SLIT3: variants seen among roughly 807,000 people sequenced by gnomAD.
The protein encoded by SLIT3 is slit guidance ligand 3.
A neutral mutation model predicts 184.0 loss-of-function variants in SLIT3; 68 were observed. The ratio of observed to expected loss-of-function variants is 0.37; its 90% CI spans 0.30 to 0.45. The LOEUF is 0.45. SLIT3 is among the 20% of genes least tolerant of loss of function. The probability of loss-of-function intolerance (pLI) is 1.00; values close to 1 mark genes in which losing one functional copy is unlikely to be tolerated. For missense variants in SLIT3, 1,707 were observed against 2,026.0 expected (o/e 0.84, Z 3.02); for synonymous variants, 831 against 828.6 (o/e 1.00, Z -0.05).
intron 4 of SLIT3, among the ~76,000 whole-genome samples, chr5:169,092,185 T>A (rs933226262): frequency 8.5e-5 from 13 of 152,224 alleles, no homozygotes; most frequent in African/African-American, 2.4e-4. Flanking sequence ...ATCGTGCCAT[T>A]GCACTCCAGT....
intron 4 of SLIT3, among the ~76,000 whole-genome samples, chr5:169,001,506 A>G (rs1451709512): frequency 6.6e-6 from 1 of 152,206 alleles, no homozygotes; most frequent in Non-Finnish European, 1.5e-5. Flanking sequence ...AAGTGTTACA[A>G]TGGAACATTT....
At chr5:169,043,855 G>A (rs749188135) in intron 4 of SLIT3, among the ~76,000 whole-genome samples, 20 of 152,216 alleles carry the variant, frequency 1.3e-4, no homozygotes, top group Admixed American at 5.9e-4. Context: ...AGCAGTGAGA[G>A]TCATCCGAAC....
intron 12 of SLIT3, among the ~76,000 whole-genome samples, chr5:168,782,329 T>C (rs1325259965): frequency 1.3e-5 from 2 of 152,240 alleles, no homozygotes; most frequent in Non-Finnish European, 2.9e-5. Context: ...ATGCATGTCA[T>C]GTGATCGATG....
intron 4 of SLIT3, among the ~76,000 whole-genome samples, chr5:168,907,973 T>TAGAGAGAG (rs1360826933): frequency 1.0e-3 from 69 of 66,782 alleles, no homozygotes; most frequent in South Asian, 2.5e-3. Context: ...TATATATATA[T>TAGAGAGAG]ATATATAGAG....
chr5:169,001,563 C>G (rs1755704146), intron 4 of SLIT3, among the ~76,000 whole-genome samples: 1 of 151,860 alleles, frequency 6.6e-6, no homozygotes, highest in South Asian at 2.1e-4. Flanking sequence ...AGACTAGAAA[C>G]AGACCAATTT....
chr5:168,686,040 A>C, intron 30 of SLIT3, 113 bp from the exon 31 acceptor site: 5 of 1,239,238 alleles, frequency 4.0e-6, no homozygotes, highest in Non-Finnish European at 5.4e-6. Flanking sequence ...ATGGGAAATG[A>C]CACTAGTTCT....
chr5:168,912,387 T>G (rs978956504), intron 4 of SLIT3, among the ~76,000 whole-genome samples: 7 of 152,192 alleles, frequency 4.6e-5, no homozygotes, highest in Admixed American at 3.9e-4. Flanking sequence ...GGGAGGTTGG[T>G]GTCCCTAACC....
intron 4 of SLIT3, among the ~76,000 whole-genome samples, chr5:168,967,676 G>A (rs1763258676): frequency 7.2e-6 from 1 of 139,594 alleles, no homozygotes; most frequent in Non-Finnish European, 1.7e-5. Context: ...TCCTGACCTC[G>A]TGATCCGCCC....
At chr5:168,954,088 T>A (rs968060529) in intron 4 of SLIT3, among the ~76,000 whole-genome samples, 4 of 152,034 alleles carry the variant, frequency 2.6e-5, no homozygotes, top group African/African-American at 9.7e-5. Flanking sequence ...TGGAAAATGG[T>A]CTTATTCTAG....
chr5:169,300,890 G>GGCGGCGGCA lies in SLIT3; in HGVS notation c.-190_-182dup, dbSNP rs901343727. 12 of 367,620 alleles carry GGCGGCGGCA rather than the reference G, an allele frequency of 3.3e-5. No individual in the cohort carries two copies. The highest frequency in any genetic ancestry group is 4.8e-5 in the Non-Finnish European group (11 of 229,592). 22.8% of individuals were successfully genotyped at this position (367,620 alleles called of 1,614,324 possible). A position where few individuals can be genotyped will look rare whatever the true frequency, so the allele number is the denominator to read the frequency against. On this transcript the variant is annotated 5_prime_UTR_variant, in exon 1 of 36. Transcript: ENST00000519560. This position sits in a 1 kb window ranked among gnomAD's most constrained non-coding sequence, Gnocchi z 4.1. ...GGCGGAGCGGGGCGCTCCGGGCGGC[G>GGCGGCGGCA]GCGGCGGCAGCAACAGCAGCTCCAT...
At chr5:169,281,767 G>C (rs952229534) in intron 1 of SLIT3, among the ~76,000 whole-genome samples, 2 of 151,966 alleles carry the variant, frequency 1.3e-5, no homozygotes, top group Non-Finnish European at 2.9e-5. Flanking sequence ...AATTTCTGAG[G>C]GCACTACAGA....
At chr5:168,954,010 A>G (rs1359323766) in intron 4 of SLIT3, among the ~76,000 whole-genome samples, 1 of 43,234 alleles carries the variant, frequency 2.3e-5, no homozygotes, top group Non-Finnish European at 4.0e-5. Flanking sequence ...GGGAACTGAG[A>G]CATTTTACTT....
intron 4 of SLIT3, among the ~76,000 whole-genome samples, chr5:169,103,628 C>T (rs1313286458): frequency 6.6e-6 from 1 of 152,204 alleles, no homozygotes; most frequent in Admixed American, 6.5e-5. Context: ...GGTGGGCATG[C>T]TGTTACCGGG....
At chr5:168,871,966 G>A (rs146582323) in intron 5 of SLIT3, among the ~76,000 whole-genome samples, 3 of 152,278 alleles carry the variant, frequency 2.0e-5, no homozygotes, top group East Asian at 1.9e-4. Context: ...GCACAGCTAC[G>A]GGAATGGGCA....
intron 4 of SLIT3, among the ~76,000 whole-genome samples, chr5:169,113,307 C>T (rs892654897): frequency 1.3e-5 from 2 of 152,174 alleles, no homozygotes; most frequent in African/African-American, 2.4e-5. Context: ...CTCACATAAA[C>T]GGAATCATAT....
chr5:168,829,896 G>A (rs1002137912), intron 6 of SLIT3, among the ~76,000 whole-genome samples: 1 of 152,198 alleles, frequency 6.6e-6, no homozygotes, highest in Non-Finnish European at 1.5e-5. Flanking sequence ...CTCTTGCTTG[G>A]CTCAGGCAGG....
chr5:168,944,082 A>G (rs1292697492), intron 4 of SLIT3, among the ~76,000 whole-genome samples: 1 of 152,128 alleles, frequency 6.6e-6, no homozygotes, highest in East Asian at 1.9e-4. Context: ...ATCTTTTTAT[A>G]ATGAACTTAA....
chr5:168,944,975 G>C (rs1762428424), intron 4 of SLIT3, among the ~76,000 whole-genome samples: 1 of 152,112 alleles, frequency 6.6e-6, no homozygotes, highest in South Asian at 2.1e-4. Context: ...ATGAGTATCA[G>C]GACCCCAACT....
intron 4 of SLIT3, among the ~76,000 whole-genome samples, chr5:168,916,255 C>T (rs1397673198): frequency 6.6e-6 from 1 of 152,214 alleles, no homozygotes; most frequent in Admixed American, 6.5e-5. Context: ...GCATATTCTG[C>T]CTCTGAATGT....
Sources: allele counts gnomAD v4.1 joint callset (sites outside exome capture counted in the v4.1 genomes callset), GRCh38; gene constraint gnomAD v4.1.1; non-coding constraint Gnocchi (gnomAD v3.1); transcripts MANE v1.5; gene names NCBI Gene and HGNC (gene_info 2026-07-23, HGNC 2026-07-21).